UBA6: variants seen among roughly 807,000 people sequenced by gnomAD.
UBA6 encodes ubiquitin-like modifier-activating enzyme 6.
Under a neutral mutation model 148.3 loss-of-function variants are expected in UBA6, and 87 were observed. The observed-to-expected ratio is 0.59, with a 90% CI of 0.49 to 0.70. The LOEUF is 0.70. UBA6 is among the 30% of genes least tolerant of loss of function. The probability of loss-of-function intolerance (pLI) is 0.00; values close to 1 mark genes in which losing one functional copy is unlikely to be tolerated. For missense variants in UBA6, 1,186 were observed against 1,241.2 expected (o/e 0.96, Z 0.67); for synonymous variants, 376 against 401.0 (o/e 0.94, Z 0.75).
intron 10 of UBA6, 36 bp from the exon 11 acceptor site, chr4:67,663,983 G>A (rs1346407654): frequency 6.5e-7 from 1 of 1,538,162 alleles, no homozygotes; most frequent in East Asian, 2.3e-5. Flanking sequence ...TTCAGAGTGA[G>A]TGAGTGATTA....
chr4:67,630,488 T>G lies in UBA6; in HGVS notation c.2306A>C (p.Tyr769Ser), dbSNP rs746026302. The change falls in exon 26 of 33, where the codon TAT becomes TCT. Residue 769 changes from tyrosine to serine, a missense_variant. Physicochemically the swap from Tyr to Ser is moderately radical, Grantham distance 144. Transcript: ENST00000322244. ...TACCTCTTCTGCAAATGGAATACAA[T>G]ATACTGTAGCATATAGTTTTGCAGC... ...QNAAKLYATVYCIPFAEEDLS... is the reference protein window; with the variant it reads ...QNAAKLYATVSCIPFAEEDLS... The G allele has an allele frequency of 4.3e-5, 68 of 1,588,498 alleles. No homozygotes were observed. Among genetic ancestry groups the G allele is most frequent in the Non-Finnish European group, 5.8e-5 (68 of 1,167,456 alleles).
chr4:67,621,337 C>T (rs917759638), intron 32 of UBA6, among the ~76,000 whole-genome samples: 9 of 152,174 alleles, frequency 5.9e-5, no homozygotes, highest in Non-Finnish European at 1.2e-4. Context: ...CCAATAGATA[C>T]GTTAAACACA....
At chr4:67,626,216 C>T in intron 28 of UBA6, 144 bp downstream of exon 28, 1 of 626,980 alleles carries the variant, frequency 1.6e-6, no homozygotes, top group Non-Finnish European at 2.8e-6. Context: ...AAGATGAACA[C>T]TGACTTTAAT....
At chr4:67,652,850 C>T (rs1033449865) in intron 13 of UBA6, among the ~76,000 whole-genome samples, 1 of 152,246 alleles carries the variant, frequency 6.6e-6, no homozygotes, top group Non-Finnish European at 1.5e-5. Context: ...ACCATCTTAG[C>T]AACCGGCAGA....
chr4:67,691,015 A>G (rs779428808), intron 2 of UBA6, among the ~76,000 whole-genome samples: 1 of 152,202 alleles, frequency 6.6e-6, no homozygotes, highest in East Asian at 1.9e-4. Flanking sequence ...CTATATGACA[A>G]TGTACACAGA....
At chr4:67,627,488 C>A (rs1285474948) in intron 27 of UBA6, among the ~76,000 whole-genome samples, 2 of 151,934 alleles carry the variant, frequency 1.3e-5, no homozygotes, top group South Asian at 2.1e-4. Flanking sequence ...AGAAAACATA[C>A]CGAAGCAAGA....
At position 67,682,288 on chromosome 4, in the gene UBA6, C is replaced by G. The variant is rs953730154; in HGVS notation, c.135-75G>C. 6 of 1,150,772 alleles carry G rather than the reference C, an allele frequency of 5.2e-6. No homozygotes were observed. The African/African-American group carries it at 7.7e-5, about 15-fold the overall frequency. The allele number at this position is 1,150,772 out of a possible 1,614,324, so 71.3% of individuals were successfully genotyped here. ...AATATCTCTTAAAGTTGTTTGCAAA[C>G]TAAAAGCCTAGGAACTCAATCCGGC... On this transcript the variant is annotated intron_variant, in intron 2 of 32. Transcript: ENST00000322244.
chr4:67,619,104 C>T lies in UBA6; in HGVS notation c.3052G>A (p.Glu1018Lys), dbSNP rs1487506865. ...TMHKLVKPTTEKKYVDLTVSF... is the reference protein window; with the variant it reads ...TMHKLVKPTTKKKYVDLTVSF... The stretch of plus-strand genomic sequence containing the variant: ...ACAGTAAGATCCACATATTTCTTTT[C>T]AGTAGTAGGTTTTACAAGTTTATGC... Residue 1018 changes from glutamate (E) to lysine (K), a missense_variant, in exon 33 of 33, where the codon GAA (glutamate) becomes AAA (lysine). Coordinates refer to ENST00000322244, the MANE Select transcript of UBA6 (RefSeq NM_018227.6). 6 of 1,609,510 alleles carry T rather than the reference C, an allele frequency of 3.7e-6. No individual in the cohort carries two copies. The highest frequency in any genetic ancestry group is 3.3e-5 in the South Asian group (3 of 90,818).
Position 67,617,019 on chromosome 4 carries a change from A to G in UBA6, c.*1978T>C, listed in dbSNP as rs1453957341. 1 of 152,062 alleles carries G rather than the reference A, an allele frequency of 6.6e-6. No homozygotes were observed. Among genetic ancestry groups the G allele is most frequent in the African/African-American group, 2.4e-5 (1 of 41,442 alleles). The allele number at this position is 152,062 out of a possible 1,614,324, so 9.4% of individuals were successfully genotyped here. On this transcript the variant is annotated 3_prime_UTR_variant, in exon 33 of 33. Transcript: ENST00000322244. ...TCATGGCAATAACCATTAACTATAG[A>G]AAAAAAGTAATGGAAAAATGGTTGC... is the stretch of plus-strand genomic sequence containing the variant.
chr4:67,616,830 A>G lies in UBA6; in HGVS notation c.*2167T>C, dbSNP rs1179599948. 2.6e-5 allele frequency: 4 copies of G among 152,198 alleles called. No individual in the cohort carries two copies. The highest frequency in any genetic ancestry group is 5.9e-5 in the Non-Finnish European group (4 of 67,994). The allele number at this position is 152,198 out of a possible 1,614,324, so 9.4% of individuals were successfully genotyped here. A position where few individuals can be genotyped will look rare whatever the true frequency, so the allele number is the denominator to read the frequency against. ...TCTTACATTTCTTAATTTATTTTTA[A>G]TAAGTAAAAAATACTCATTGAAACT... On this transcript the variant is annotated 3_prime_UTR_variant, in exon 33 of 33. Coordinates refer to ENST00000322244, the MANE Select transcript of UBA6 (RefSeq NM_018227.6).
intron 8 of UBA6, 114 bp from the exon 9 acceptor site, chr4:67,668,788 T>C: frequency 3.3e-6 from 3 of 906,090 alleles, no homozygotes; most frequent in Non-Finnish European, 5.0e-6. Flanking sequence ...AAACCGAAAT[T>C]CTAAGCTATT....
intron 9 of UBA6, 101 bp downstream of exon 9, chr4:67,668,450 A>G: frequency 8.8e-7 from 1 of 1,133,734 alleles, no homozygotes; most frequent in Non-Finnish European, 1.3e-6. Context: ...AGGGCTTTGG[A>G]TCATGTCTCT....
chr4:67,698,624 CTACT>C (rs1368751750), intron 1 of UBA6, among the ~76,000 whole-genome samples: 5 of 152,138 alleles, frequency 3.3e-5, no homozygotes, highest in African/African-American at 1.2e-4. Context: ...CACATACTGC[CTACT>C]GTTTCTGATA....
In UBA6 at chr4:67,648,484, T is replaced by TA. The variant is rs1034404727; in HGVS notation, c.1248+583dup. 1.5e-4 allele frequency among the ~76,000 whole-genome samples: 22 copies of TA among 146,182 alleles called. 1 individual carries two copies. Among genetic ancestry groups the TA allele is most frequent in the East Asian group, 8.0e-4 (4 of 5,018 alleles). On this transcript the variant is annotated intron_variant, in intron 14 of 32. Coordinates refer to ENST00000322244, the MANE Select transcript of UBA6 (RefSeq NM_018227.6). ...CTCTGTCTCAAAAAAAAAAAAAAAT[T>TA]AAAAAAAAAAGATAAATGGTATATT...
chr4:67,667,239 G>T (rs140041117), intron 9 of UBA6, among the ~76,000 whole-genome samples: 2 of 152,010 alleles, frequency 1.3e-5, no homozygotes, highest in African/African-American at 4.8e-5. Flanking sequence ...ATATGAACCT[G>T]TATTCAAAAT....
At position 67,622,917 on chromosome 4, in the gene UBA6, A is replaced by G. The variant is rs906645139; in HGVS notation, c.2937T>C (p.Tyr979=). The G allele has an allele frequency of 2.5e-6, 4 of 1,608,622 alleles. No individual in the cohort carries two copies. The highest frequency in any genetic ancestry group is 3.4e-6 in the Non-Finnish European group (4 of 1,177,680). ...LDFINAVKEK[Y]GIEPTMVVQG... Reference sequence around the variant, plus strand: ...GTACCACCATTGTTGGCTCAATTCCATACTTCTCCTAAAAGTGAATATCCA... The same window carrying G: ...GTACCACCATTGTTGGCTCAATTCCGTACTTCTCCTAAAAGTGAATATCCA... The change falls in exon 32 of 33, where the codon TAT becomes TAC. Residue 979 remains tyrosine (Y), a synonymous_variant. Coordinates refer to ENST00000322244, the MANE Select transcript of UBA6 (RefSeq NM_018227.6).
intron 2 of UBA6, among the ~76,000 whole-genome samples, chr4:67,683,709 G>A (rs537239876): frequency 6.6e-6 from 1 of 152,124 alleles, no homozygotes; most frequent in East Asian, 1.9e-4. Flanking sequence ...TATATCCCCA[G>A]AGAGGAAATG....
intron 18 of UBA6, 40 bp from the exon 19 acceptor site, chr4:67,639,164 C>CA (rs762464631): frequency 3.4e-6 from 5 of 1,479,886 alleles, no homozygotes; most frequent in Non-Finnish European, 2.7e-6. Flanking sequence ...TGTTAAACAA[C>CA]AAAAAAAGGA....
intron 13 of UBA6, among the ~76,000 whole-genome samples, chr4:67,659,202 ATTTC>A (rs1488872847): frequency 1.9e-4 from 29 of 152,162 alleles, no homozygotes; most frequent in Non-Finnish European, 2.4e-4. Context: ...TACATTTATT[ATTTC>A]TTTCTTTGTG....
Sources: allele counts gnomAD v4.1 joint callset (sites outside exome capture counted in the v4.1 genomes callset), GRCh38; gene constraint gnomAD v4.1.1; transcripts MANE v1.5; gene names NCBI Gene and HGNC (gene_info 2026-07-23, HGNC 2026-07-21).